Variants in PREX2 observed in about 807,000 individuals in gnomAD.
PREX2 encodes the protein phosphatidylinositol 3,4,5-trisphosphate-dependent Rac exchanger 2 protein.
Under a neutral mutation model 203.2 loss-of-function variants are expected in PREX2, and 107 were observed. The observed-to-expected ratio is 0.53, with a 90% CI of 0.45 to 0.62. PREX2 has a LOEUF of 0.62. PREX2 is among the 20% of genes least tolerant of loss of function. The probability of loss-of-function intolerance (pLI) is 0.00; values close to 1 mark genes in which losing one functional copy is unlikely to be tolerated. For synonymous variants in PREX2, 672 were observed against 663.6 expected, an observed-to-expected ratio of 1.01 and a Z score of -0.19; for missense variants, 1,777 against 1,955.9, an observed-to-expected ratio of 0.91 and a Z score of 1.72.
chr8:68,141,912 C>T (rs1261852310), intron 33 of PREX2, among the ~76,000 whole-genome samples: 1 of 152,112 alleles, frequency 6.6e-6, no homozygotes, highest in Non-Finnish European at 1.5e-5. Context: ...TAAATTTCCA[C>T]AAATAAAAGG....
chr8:68,050,861 T>TAAG (rs1488268025), intron 8 of PREX2, among the ~76,000 whole-genome samples: 1 of 152,012 alleles, frequency 6.6e-6, no homozygotes, highest in Non-Finnish European at 1.5e-5. Flanking sequence ...GGGGAATATA[T>TAAG]AAGTATTCAC....
intron 11 of PREX2, among the ~76,000 whole-genome samples, chr8:68,063,756 A>T (rs1220389908): frequency 6.6e-6 from 1 of 152,200 alleles, no homozygotes; most frequent in Non-Finnish European, 1.5e-5. Context: ...AGACAGACTT[A>T]AACTACCAAG....
chr8:68,114,463 A>G (rs1810601946), intron 25 of PREX2: 2 of 337,776 alleles, frequency 5.9e-6, no homozygotes, highest in Non-Finnish European at 1.2e-5. Context: ...CTTTGTTTAT[A>G]CATGGTTTAA....
At chr8:68,143,503 A>G (rs993777497) in intron 33 of PREX2, among the ~76,000 whole-genome samples, 4 of 152,096 alleles carry the variant, frequency 2.6e-5, no homozygotes, top group African/African-American at 9.7e-5. Flanking sequence ...TTTAAAAATT[A>G]CTCACTCAGA....
intron 1 of PREX2, among the ~76,000 whole-genome samples, chr8:67,959,327 C>T (rs1026399512): frequency 4.8e-4 from 73 of 151,980 alleles, no homozygotes; most frequent in African/African-American, 1.7e-3. Flanking sequence ...TTCAGTAGAG[C>T]GTGTGAGCAA....
chr8:68,093,990 C>A (rs1299555419), intron 21 of PREX2, among the ~76,000 whole-genome samples: 2 of 152,152 alleles, frequency 1.3e-5, no homozygotes, highest in African/African-American at 4.8e-5. Context: ...TATCATCATT[C>A]TTTTTTGAGT....
At position 68,231,477 on chromosome 8, in the gene PREX2, C is replaced by CT. The variant is rs10581964; in HGVS notation, c.*117dup. ...ATTCTCCACTGAAGATACATCAATG[C>CT]TTTTTTTTTTTTTTTTTTCTGTAAA... On this transcript the variant is annotated 3_prime_UTR_variant, in exon 40 of 40. Coordinates refer to ENST00000288368, the MANE Select transcript of PREX2 (RefSeq NM_024870.4). 0.1 allele frequency: 48,928 copies of CT among 469,546 alleles called. 2,533 individuals carry two copies. Among genetic ancestry groups the CT allele is most frequent in the African/African-American group, 0.31 (13,389 of 43,438 alleles). 29.1% of individuals were successfully genotyped at this position (469,546 alleles called of 1,614,324 possible).
intron 1 of PREX2, among the ~76,000 whole-genome samples, chr8:67,965,118 C>A (rs1282139638): frequency 6.6e-6 from 1 of 152,180 alleles, no homozygotes; most frequent in East Asian, 1.9e-4. Flanking sequence ...AAGAGAGCAA[C>A]AGGAGCTTAT....
chr8:68,074,121 T>C lies in PREX2; in HGVS notation c.1569+1551T>C, dbSNP rs370405032. Among the ~76,000 whole-genome samples the C allele has an allele frequency of 1.8e-3, 278 of 152,074 alleles. 3 individuals carry two copies. The highest frequency in any genetic ancestry group is 5.9e-3 in the African/African-American group (246 of 41,518). On this transcript the variant is annotated intron_variant, in intron 14 of 39. Transcript: ENST00000288368. ...ACCTGGGATTACAGGTGTGCACCGCTACACCTGGCTAATTTTTGTATTTTC... is the reference window on the plus strand; with the variant it reads ...ACCTGGGATTACAGGTGTGCACCGCCACACCTGGCTAATTTTTGTATTTTC...
intron 1 of PREX2, among the ~76,000 whole-genome samples, chr8:68,008,477 A>T (rs1171781473): frequency 1.3e-5 from 2 of 152,194 alleles, no homozygotes; most frequent in East Asian, 3.8e-4. Context: ...GGGCCATAGG[A>T]TACTGACATG....
At chr8:67,958,449 T>C (rs1805547361) in intron 1 of PREX2, among the ~76,000 whole-genome samples, 1 of 152,206 alleles carries the variant, frequency 6.6e-6, no homozygotes, top group Non-Finnish European at 1.5e-5. Flanking sequence ...CTTGTAATTA[T>C]ACCCTATTAT....
chr8:68,069,274 A>G (rs1809117927), intron 12 of PREX2, 138 bp downstream of exon 12: 11 of 564,690 alleles, frequency 1.9e-5, no homozygotes, highest in Admixed American at 1.2e-4. Flanking sequence ...AAGCCTCTTT[A>G]TTTATTTTTG....
chr8:68,159,323 A>G (rs898758062), intron 35 of PREX2, among the ~76,000 whole-genome samples: 1 of 152,204 alleles, frequency 6.6e-6, no homozygotes, highest in Non-Finnish European at 1.5e-5. Flanking sequence ...TTTATTTGCA[A>G]AATAAGTTTT....
chr8:68,022,202 A>G (rs1807589503), intron 4 of PREX2, 62 bp downstream of exon 4: 1 of 835,964 alleles, frequency 1.2e-6, no homozygotes, highest in African/African-American at 1.7e-5. Flanking sequence ...GTGAGAGCCA[A>G]GGAATAGCAT....
intron 1 of PREX2, among the ~76,000 whole-genome samples, chr8:67,985,116 A>G (rs1806379638): frequency 6.6e-6 from 1 of 152,194 alleles, no homozygotes; most frequent in African/African-American, 2.4e-5. Flanking sequence ...AGGCAGAGAA[A>G]AACGCTTTTG....
intron 37 of PREX2, among the ~76,000 whole-genome samples, chr8:68,206,089 T>C (rs572219071): frequency 6.6e-6 from 1 of 152,292 alleles, no homozygotes; most frequent in East Asian, 1.9e-4. Context: ...TTAATCTACG[T>C]GATTCGAATT....
intron 8 of PREX2, among the ~76,000 whole-genome samples, chr8:68,046,494 G>GTT (rs1248154571): frequency 2.0e-5 from 3 of 152,082 alleles, no homozygotes; most frequent in Non-Finnish European, 2.9e-5. Flanking sequence ...GTTGATGCTA[G>GTT]TAAGATTCCA....
intron 35 of PREX2, among the ~76,000 whole-genome samples, chr8:68,187,910 G>T (rs899723831): frequency 1.3e-5 from 2 of 152,214 alleles, no homozygotes; most frequent in Non-Finnish European, 2.9e-5. Context: ...GACAGAGGGG[G>T]CTGGGACAGC....
At chr8:68,078,775 T>G (rs891142732) in intron 15 of PREX2, among the ~76,000 whole-genome samples, 5 of 148,402 alleles carry the variant, frequency 3.4e-5, no homozygotes, top group Middle Eastern at 3.2e-3. Context: ...CTTCAAAAGT[T>G]TCAATTTTTT....
Sources: gnomAD v4.1 joint callset for allele counts (sites outside exome capture counted in the v4.1 genomes callset) on GRCh38, gnomAD v4.1.1 for gene constraint, MANE v1.5 for transcripts, NCBI Gene and HGNC (gene_info 2026-07-23, HGNC 2026-07-21) for gene names.